The following MAP3K19 variants were observed in gnomAD, a reference collection of about 807,000 sequenced individuals.
MAP3K19 encodes mitogen-activated protein kinase kinase kinase 19.
In MAP3K19, 91 loss-of-function variants were observed where a neutral mutation model predicts 114.4. The ratio of observed to expected loss-of-function variants is 0.80; its 90% CI spans 0.67 to 0.95. MAP3K19 has a LOEUF of 0.95. MAP3K19 is among the 40% of genes least tolerant of loss of function. MAP3K19 has a pLI of 0.00. For synonymous variants in MAP3K19, 518 were observed against 530.5 expected (o/e 0.98, Z 0.32); for missense variants, 1,471 against 1,573.2 (o/e 0.94, Z 1.10).
chr2:135,033,544 C>G, intron 2 of MAP3K19, among the ~76,000 whole-genome samples: 1 of 47,232 alleles, frequency 2.1e-5, no homozygotes, highest in Non-Finnish European at 3.5e-5. Context: ...CGCCCCTCAC[C>G]TCCCGGACGG....
intron 4 of MAP3K19, 113 bp from the exon 5 acceptor site, chr2:135,021,943 A>C: frequency 1.6e-6 from 1 of 614,534 alleles, no homozygotes; most frequent in Non-Finnish European, 2.7e-6. Flanking sequence ...GATTTTCCTG[A>C]AATAGTGGTC....
At chr2:134,988,362 T>A in intron 9 of MAP3K19, 109 bp from the exon 10 acceptor site, 1 of 937,340 alleles carries the variant, frequency 1.1e-6, no homozygotes, top group Non-Finnish European at 1.5e-6. Flanking sequence ...GGAAGGCTTT[T>A]AAAGTTCAAA....
At position 134,981,121 on chromosome 2, in the gene MAP3K19, C is replaced by T. The variant is rs1442944882; in HGVS notation, c.3620G>A (p.Cys1207Tyr). The T allele has an allele frequency of 6.2e-7, 1 of 1,614,224 alleles. No homozygotes were observed. Among genetic ancestry groups the T allele is most frequent in the Non-Finnish European group, 8.5e-7 (1 of 1,180,008 alleles). Residue 1207 changes from cysteine to tyrosine, a missense_variant, in exon 12 of 13, where the codon TGT (cysteine) becomes TAT (tyrosine). Coordinates refer to ENST00000392915, the MANE Select transcript of MAP3K19 (RefSeq NM_025052.5). ...ACCTGCCCAGGCCAAACGCCTGGCA[C>T]AGCCAAAGTCAATCAGCTTTATTAT... ...TGIIKLIDFGCARRLAWAGLN... is the reference protein window; with the variant it reads ...TGIIKLIDFGYARRLAWAGLN...
intron 5 of MAP3K19, among the ~76,000 whole-genome samples, chr2:135,011,135 C>A (rs1348985216): frequency 6.6e-6 from 1 of 152,154 alleles, no homozygotes; most frequent in African/African-American, 2.4e-5. Flanking sequence ...AGTTAAACCA[C>A]TAGGGAAGGA....
intron 9 of MAP3K19, 113 bp from the exon 10 acceptor site, chr2:134,988,366 G>T: frequency 1.2e-6 from 1 of 867,052 alleles, no homozygotes; most frequent in Non-Finnish European, 1.7e-6. Flanking sequence ...GGCTTTTAAA[G>T]TTCAAAGCTA....
In MAP3K19 at chr2:135,025,189, T is replaced by G. The variant is rs79993039; in HGVS notation, c.-94-448A>C. On this transcript the variant is annotated intron_variant, in intron 3 of 12. Coordinates refer to ENST00000392915, the MANE Select transcript of MAP3K19 (RefSeq NM_025052.5). ...TTTTCTTTTCAATAATTAAGCTAAC[T>G]GCTGACTTTTTTGATATTTCTTTTT... Among the ~76,000 whole-genome samples the G allele has an allele frequency of 7.0e-3, 1,071 of 152,114 alleles. 11 individuals are homozygous for G. The highest frequency in any genetic ancestry group is 0.024 in the African/African-American group (1,001 of 41,550).
At chr2:134,985,744 G>T in intron 10 of MAP3K19, 56 bp downstream of exon 10, 1 of 1,427,320 alleles carries the variant, frequency 7.0e-7, no homozygotes, top group Non-Finnish European at 9.5e-7. Flanking sequence ...GTTTGAACCA[G>T]ATTGTCTCTG....
At chr2:134,991,624 A>G (rs1415178851) in intron 8 of MAP3K19, 44 bp from the exon 9 acceptor site, 11 of 1,518,242 alleles carry the variant, frequency 7.2e-6, no homozygotes, top group Non-Finnish European at 1.0e-5. Flanking sequence ...AGTAGTAGAA[A>G]GAAAACAGTC....
chr2:135,036,616 AT>A (rs1222381256), intron 2 of MAP3K19, among the ~76,000 whole-genome samples: 1 of 150,804 alleles, frequency 6.6e-6, no homozygotes, highest in Non-Finnish European at 1.5e-5. Context: ...AAGTGGAAAT[AT>A]TTAGTTGGAG....
chr2:134,980,256 T>C (rs1389831564), intron 12 of MAP3K19, among the ~76,000 whole-genome samples: 4 of 152,210 alleles, frequency 2.6e-5, no homozygotes, highest in Admixed American at 1.3e-4. Flanking sequence ...GGCTAAAAAT[T>C]TGAAAATCAC....
intron 4 of MAP3K19, among the ~76,000 whole-genome samples, chr2:135,022,303 A>G (rs1350139416): frequency 6.6e-6 from 1 of 152,288 alleles, no homozygotes; most frequent in East Asian, 1.9e-4. Flanking sequence ...CTGGGACATG[A>G]GTAAGAACTT....
intron 8 of MAP3K19, among the ~76,000 whole-genome samples, chr2:134,997,535 T>A (rs1424773125): frequency 1.3e-5 from 2 of 151,864 alleles, no homozygotes; most frequent in African/African-American, 4.8e-5. Context: ...CAAAAAAAAA[T>A]TTAGGCCAGG....
In MAP3K19 at chr2:134,967,869, T is replaced by A. The variant is rs868379676; in HGVS notation, c.3921-2953A>T. Among the ~76,000 whole-genome samples, 30 of 152,060 alleles carry A rather than the reference T, an allele frequency of 2.0e-4. No individual in the cohort carries two copies. The Middle Eastern group carries it at 0.014, about 69-fold the overall frequency. On this transcript the variant is annotated intron_variant, in intron 12 of 12. Coordinates refer to ENST00000392915, the MANE Select transcript of MAP3K19 (RefSeq NM_025052.5). Reference sequence around the variant, plus strand: ...GTCTTCTTTCTTTCTTTTTTTTTTTTTTATTTTTTATTGATCATTCTTGGG... The same window carrying A: ...GTCTTCTTTCTTTCTTTTTTTTTTTATTATTTTTTATTGATCATTCTTGGG...
chr2:135,010,063 T>A (rs980881755), intron 5 of MAP3K19, among the ~76,000 whole-genome samples: 8 of 151,848 alleles, frequency 5.3e-5, no homozygotes, highest in Non-Finnish European at 8.8e-5. Flanking sequence ...TCAGTGATCT[T>A]GTTAGCATGA....
chr2:134,998,570 G>A (rs1041306602), intron 8 of MAP3K19, among the ~76,000 whole-genome samples, 168 bp downstream of exon 8: 9 of 152,008 alleles, frequency 5.9e-5, no homozygotes, highest in African/African-American at 2.2e-4. Flanking sequence ...CTAGTTTATT[G>A]TCTGTCTCGC....
At position 135,018,979 on chromosome 2, in the gene MAP3K19, G is replaced by A. The variant is rs527381212; in HGVS notation, c.138+2736C>T. Among the ~76,000 whole-genome samples the A allele has an allele frequency of 9.9e-5, 15 of 152,152 alleles. No homozygotes were observed. In the South Asian group the frequency reaches 2.9e-3, roughly 29 times the overall value. Reference sequence around the variant, plus strand: ...GGGCACCTTTAATCCCAGCTACTCAGGAGGCAGAGACGGGAAAATTGCTTG... The same window carrying A: ...GGGCACCTTTAATCCCAGCTACTCAAGAGGCAGAGACGGGAAAATTGCTTG... On this transcript the variant is annotated intron_variant, in intron 5 of 12. Transcript: ENST00000392915.
At chr2:134,972,443 T>G (rs1171123317) in intron 12 of MAP3K19, among the ~76,000 whole-genome samples, 1 of 152,128 alleles carries the variant, frequency 6.6e-6, no homozygotes, top group East Asian at 1.9e-4. Flanking sequence ...TTTGTTCCCT[T>G]TTTCTTCTGT....
chr2:134,995,202 G>A (rs564065283), intron 8 of MAP3K19, among the ~76,000 whole-genome samples: 1 of 151,822 alleles, frequency 6.6e-6, no homozygotes, highest in East Asian at 1.9e-4. Flanking sequence ...TGTAGTCCCA[G>A]CTACTCAGGA....
intron 3 of MAP3K19, among the ~76,000 whole-genome samples, chr2:135,026,194 T>G (rs1688251574): frequency 6.6e-6 from 1 of 152,120 alleles, no homozygotes; most frequent in Admixed American, 6.5e-5. Flanking sequence ...GGACAAAAAT[T>G]TTTATAATTA....
Sources: gnomAD v4.1 joint callset for allele counts (sites outside exome capture counted in the v4.1 genomes callset) on GRCh38, gnomAD v4.1.1 for gene constraint, MANE v1.5 for transcripts, NCBI Gene and HGNC (gene_info 2026-07-23, HGNC 2026-07-21) for gene names.